The following GALNTL6 variants were observed in gnomAD, a reference collection of about 807,000 sequenced individuals.
GALNTL6 encodes polypeptide N-acetylgalactosaminyltransferase-like 6.
Under a neutral mutation model 73.7 loss-of-function variants are expected in GALNTL6, and 46 were observed. That is an observed-to-expected ratio of 0.62 (90% CI 0.49 to 0.80). The LOEUF (loss-of-function observed/expected upper bound fraction) is 0.80, where lower values mean the gene tolerates loss of function less well. Among genes scored for constraint, GALNTL6 ranks in the 30% least tolerant of loss-of-function variants. The pLI, the probability that GALNTL6 is intolerant of heterozygous loss-of-function variation, is 0.00. For synonymous variants in GALNTL6, 259 were observed against 263.7 expected (o/e 0.98, Z 0.17); for missense variants, 604 against 755.0 (o/e 0.80, Z 2.34).
intron 2 of GALNTL6, among the ~76,000 whole-genome samples, chr4:171,970,778 A>G (rs927742413): frequency 2.0e-5 from 3 of 152,238 alleles, no homozygotes; most frequent in Non-Finnish European, 4.4e-5. Flanking sequence ...AAATATAACC[A>G]TTGGCTTTAA....
chr4:172,158,913 T>C (rs1387483659), intron 2 of GALNTL6, among the ~76,000 whole-genome samples: 1 of 152,238 alleles, frequency 6.6e-6, no homozygotes, highest in Non-Finnish European at 1.5e-5. Context: ...TGAATGACCA[T>C]GTGAATGCAA....
chr4:172,998,048 G>A (rs1370915861), intron 10 of GALNTL6, among the ~76,000 whole-genome samples: 2 of 152,180 alleles, frequency 1.3e-5, no homozygotes, highest in African/African-American at 4.8e-5. Context: ...CTTCTGAAAT[G>A]AGTAGTCCCA....
chr4:172,385,222 A>G (rs1743423157), intron 5 of GALNTL6, among the ~76,000 whole-genome samples: 1 of 151,936 alleles, frequency 6.6e-6, no homozygotes. Flanking sequence ...CAAGGAACTC[A>G]TGAGTACCTG....
At chr4:172,500,639 T>C (rs965131681) in intron 5 of GALNTL6, among the ~76,000 whole-genome samples, 2 of 151,738 alleles carry the variant, frequency 1.3e-5, no homozygotes, top group African/African-American at 4.8e-5. Flanking sequence ...GAAAAAAAAA[T>C]CAAGCAAATC....
intron 2 of GALNTL6, among the ~76,000 whole-genome samples, chr4:172,186,724 A>C (rs2110868362): frequency 6.6e-6 from 1 of 152,268 alleles, no homozygotes; most frequent in Admixed American, 6.5e-5. Context: ...TATGAACAAT[A>C]GGTAGATCCA....
At chr4:172,913,080 C>T (rs550859395) in intron 8 of GALNTL6, among the ~76,000 whole-genome samples, 112 of 152,270 alleles carry the variant, frequency 7.4e-4, no homozygotes, top group Middle Eastern at 3.4e-3. Flanking sequence ...CTGCCACCTC[C>T]GCTGGTGATA....
intron 2 of GALNTL6, among the ~76,000 whole-genome samples, chr4:172,054,959 C>T (rs1260831683): frequency 6.6e-6 from 1 of 152,094 alleles, no homozygotes; most frequent in African/African-American, 2.4e-5. Flanking sequence ...TTGACTGTCT[C>T]AATGTGGCAT....
intron 5 of GALNTL6, among the ~76,000 whole-genome samples, chr4:172,731,031 G>T (rs1736116529): frequency 6.7e-6 from 1 of 148,488 alleles, no homozygotes; most frequent in African/African-American, 2.5e-5. Flanking sequence ...AGTAAGCCGA[G>T]ATCGCACCAC....
chr4:172,206,627 T>C (rs1415733600), intron 2 of GALNTL6, among the ~76,000 whole-genome samples: 1 of 151,878 alleles, frequency 6.6e-6, no homozygotes, highest in Admixed American at 6.6e-5. Flanking sequence ...GTAAGTGCCA[T>C]TGAAGTGAGA....
intron 4 of GALNTL6, among the ~76,000 whole-genome samples, chr4:172,344,783 C>T (rs1741683633): frequency 3.3e-5 from 5 of 152,136 alleles, no homozygotes; most frequent in Admixed American, 6.6e-5. Flanking sequence ...TATTATGTCA[C>T]TTGTCTTGTT....
intron 2 of GALNTL6, among the ~76,000 whole-genome samples, chr4:172,149,482 A>G (rs1734012612): frequency 6.6e-6 from 1 of 151,954 alleles, no homozygotes; most frequent in African/African-American, 2.4e-5. Flanking sequence ...TGAGGCTCCT[A>G]GAGGTGTGTC....
chr4:172,133,957 A>T (rs933649856), intron 2 of GALNTL6, among the ~76,000 whole-genome samples: 2 of 152,260 alleles, frequency 1.3e-5, no homozygotes, highest in East Asian at 3.8e-4. Context: ...GAAGGTAGTC[A>T]CATATTGAGT....
At chr4:171,996,581 G>A (rs1740491392) in intron 2 of GALNTL6, among the ~76,000 whole-genome samples, 1 of 151,888 alleles carries the variant, frequency 6.6e-6, no homozygotes, top group Non-Finnish European at 1.5e-5. Context: ...GTTACTATTA[G>A]GATTATTAAT....
Position 171,814,641 on chromosome 4 carries a change from T to G in GALNTL6, c.61T>G (p.Phe21Val). 6.2e-7 allele frequency: 1 copy of G among 1,614,182 alleles called. No homozygotes were observed. Among genetic ancestry groups the G allele is most frequent in the Non-Finnish European group, 8.5e-7 (1 of 1,180,016 alleles). ...MTLLFTVALI[F>V]LPNVGLWSLY... ...TTTGTTGTTCACGGTGGCTTTAATTTTCCTGCCTAACGTTGGTCTCTGGTC... is the reference window on the plus strand; with the variant it reads ...TTTGTTGTTCACGGTGGCTTTAATTGTCCTGCCTAACGTTGGTCTCTGGTC... Residue 21 changes from phenylalanine (F) to valine (V), a missense_variant, in exon 2 of 13, where the codon TTC becomes GTC. Physicochemically the swap from Phe to Val is conservative, Grantham distance 50. This residue lies in a region of GALNTL6 where 141 missense variants were observed against 156.6 expected (regional missense o/e 0.90). Coordinates refer to ENST00000506823, the MANE Select transcript of GALNTL6 (RefSeq NM_001034845.3).
At chr4:171,957,885 T>C (rs1283613220) in intron 2 of GALNTL6, among the ~76,000 whole-genome samples, 3 of 152,146 alleles carry the variant, frequency 2.0e-5, no homozygotes, top group South Asian at 4.1e-4. Context: ...CTAGCGGGAA[T>C]CCTAACCTAA....
chr4:173,031,452 G>A (rs955437646), intron 12 of GALNTL6, among the ~76,000 whole-genome samples: 1 of 152,074 alleles, frequency 6.6e-6, no homozygotes, highest in Admixed American at 6.5e-5. Context: ...ATGAGAGCAG[G>A]AATTTTTCTC....
intron 8 of GALNTL6, among the ~76,000 whole-genome samples, chr4:172,902,660 A>G (rs1462204691): frequency 6.6e-6 from 1 of 152,226 alleles, no homozygotes; most frequent in African/African-American, 2.4e-5. Context: ...CAAACTCGGG[A>G]GCCCTACAGC....
chr4:172,632,142 T>C (rs1579264080), intron 5 of GALNTL6, among the ~76,000 whole-genome samples: 1 of 152,154 alleles, frequency 6.6e-6, no homozygotes, highest in Non-Finnish European at 1.5e-5. Context: ...ATAAATTACA[T>C]AGTCTCAGGT....
intron 5 of GALNTL6, among the ~76,000 whole-genome samples, chr4:172,601,077 A>G (rs1296080862): frequency 6.6e-6 from 1 of 152,226 alleles, no homozygotes; most frequent in Non-Finnish European, 1.5e-5. Context: ...GGACTTACAG[A>G]AAATATGAAT....
Sources: gnomAD v4.1 joint callset for allele counts (sites outside exome capture counted in the v4.1 genomes callset) on GRCh38, gnomAD v4.1.1 for gene constraint, gnomAD v4.1.1 regional missense constraint, MANE v1.5 for transcripts, NCBI Gene and HGNC (gene_info 2026-07-23, HGNC 2026-07-21) for gene names.